Variants in PARD3B observed in about 807,000 individuals in gnomAD.
PARD3B encodes the protein partitioning defective 3 homolog B.
Under a neutral mutation model 130.2 loss-of-function variants are expected in PARD3B, and 103 were observed. The observed-to-expected ratio is 0.79, with a 90% confidence interval of 0.67 to 0.93. PARD3B has a LOEUF of 0.93. Among genes scored for constraint, PARD3B ranks in the 40% least tolerant of loss-of-function variants. The pLI is 0.00. For missense variants in PARD3B, 1,609 were observed against 1,499.2 expected (o/e 1.07, Z -1.21); for synonymous variants, 583 against 553.2 (o/e 1.05, Z -0.76).
chr2:205,009,670 C>CA (rs11305876), intron 3 of PARD3B, among the ~76,000 whole-genome samples: 142 of 128,466 alleles, frequency 1.1e-3, no homozygotes, highest in Admixed American at 1.5e-3. Flanking sequence ...GACTCCGTCT[C>CA]AAAAAAAAAA....
intron 18 of PARD3B, among the ~76,000 whole-genome samples, chr2:205,371,660 G>A (rs1307751775): frequency 2.6e-5 from 4 of 152,104 alleles, no homozygotes; most frequent in Non-Finnish European, 4.4e-5. Flanking sequence ...CATCTCAAAA[G>A]CTTAAACTTC....
chr2:205,574,855 T>A (rs1387119444), intron 22 of PARD3B, among the ~76,000 whole-genome samples: 90 of 121,514 alleles, frequency 7.4e-4, no homozygotes, highest in Non-Finnish European at 8.3e-4. Context: ...CACTGAGGAG[T>A]AAAAAAAAAA....
intron 2 of PARD3B, among the ~76,000 whole-genome samples, chr2:204,857,858 A>G (rs1444253477): frequency 6.6e-6 from 1 of 152,178 alleles, no homozygotes; most frequent in Non-Finnish European, 1.5e-5. Context: ...AAATGTCAAG[A>G]TGACATAATT....
rs1691140079 is a variant in PARD3B, at chr2:204,965,327, T to C, written c.394+4T>C. Reference sequence around the variant, plus strand: ...ACCCCTTCTGCTCTAAAACTAGGTATGTGTAATGTTTATGATATTCTTTTC... The same window carrying C: ...ACCCCTTCTGCTCTAAAACTAGGTACGTGTAATGTTTATGATATTCTTTTC... On this transcript the variant is annotated splice_donor_region_variant and intron_variant, in intron 3 of 22. Coordinates refer to ENST00000406610, the MANE Select transcript of PARD3B (RefSeq NM_001302769.2). 3 of 1,612,962 alleles carry C rather than the reference T, an allele frequency of 1.9e-6. No individual in the cohort carries two copies. In the African/African-American group the frequency reaches 4.0e-5, roughly 22 times the overall value.
In PARD3B at chr2:205,125,864, C is replaced by A; in HGVS notation, c.1434+127C>A. ...TTCATAACCAAAATTGAATCACACTCAGGGTATTTTACCCCATTTGGGGTA... is the reference window on the plus strand; with the variant it reads ...TTCATAACCAAAATTGAATCACACTAAGGGTATTTTACCCCATTTGGGGTA... On this transcript the variant is annotated intron_variant, in intron 10 of 22. Coordinates refer to ENST00000406610, the MANE Select transcript of PARD3B (RefSeq NM_001302769.2). The surrounding 1 kb of genome is among the most constrained non-coding windows in gnomAD (Gnocchi z 4.0). The A allele has an allele frequency of 7.6e-7, 1 of 1,319,506 alleles. No individual in the cohort carries two copies. The highest frequency in any genetic ancestry group is 1.0e-6 in the Non-Finnish European group (1 of 961,454). 81.7% of individuals were successfully genotyped at this position (1,319,506 alleles called of 1,614,324 possible). A position where few individuals can be genotyped will look rare whatever the true frequency, so the allele number is the denominator to read the frequency against.
chr2:204,671,046 C>G (rs1355339607), intron 1 of PARD3B, among the ~76,000 whole-genome samples: 1 of 152,056 alleles, frequency 6.6e-6, no homozygotes, highest in East Asian at 1.9e-4. Context: ...ATTGCTGTCA[C>G]CGTTTATCTG....
intron 3 of PARD3B, among the ~76,000 whole-genome samples, chr2:205,010,474 C>G (rs1695625902): frequency 1.3e-5 from 2 of 152,116 alleles, no homozygotes; most frequent in Admixed American, 6.5e-5. Flanking sequence ...CTGGTTTAGT[C>G]CCTCATTTTC....
At chr2:204,853,539 G>T (rs1418803746) in intron 2 of PARD3B, among the ~76,000 whole-genome samples, 2 of 152,132 alleles carry the variant, frequency 1.3e-5, no homozygotes, top group African/African-American at 4.8e-5. Context: ...AAGAAAGCTG[G>T]CAATGGAAGT....
intron 3 of PARD3B, among the ~76,000 whole-genome samples, chr2:205,031,201 T>A (rs1253924110): frequency 6.6e-6 from 1 of 152,176 alleles, no homozygotes; most frequent in African/African-American, 2.4e-5. Flanking sequence ...GAATTCAACC[T>A]ATTTCATTTT....
At chr2:205,499,343 T>C (rs1197891969) in intron 20 of PARD3B, among the ~76,000 whole-genome samples, 1 of 151,726 alleles carries the variant, frequency 6.6e-6, no homozygotes, top group Non-Finnish European at 1.5e-5. Context: ...TTTCTTACTG[T>C]TTTGTTTTGT....
chr2:205,380,548 G>GTATATATTATATATTATAT (rs1559033736), intron 18 of PARD3B, among the ~76,000 whole-genome samples: 1 of 3,622 alleles, frequency 2.8e-4, no homozygotes, highest in Non-Finnish European at 6.8e-4. Context: ...AATATATAAA[G>GTATATATTATATATTATAT]AATATATATT....
intron 22 of PARD3B, among the ~76,000 whole-genome samples, chr2:205,581,418 AATATATAAATATATATAAAT>A (rs1229727390): frequency 3.5e-5 from 3 of 86,434 alleles, no homozygotes; most frequent in African/African-American, 7.1e-5. Flanking sequence ...AGTATATATA[AATATATAAATATATATAAAT>A]ATATATAAAT....
chr2:204,693,633 C>T (rs2037454462), intron 2 of PARD3B, among the ~76,000 whole-genome samples: 1 of 151,922 alleles, frequency 6.6e-6, no homozygotes. Flanking sequence ...CATATTGTTC[C>T]TTTTAGTGTA....
At chr2:205,201,942 C>T (rs548806680) in intron 15 of PARD3B, among the ~76,000 whole-genome samples, 1 of 152,114 alleles carries the variant, frequency 6.6e-6, no homozygotes, top group South Asian at 2.1e-4. Context: ...GTACATATTA[C>T]ACAGAATATA....
chr2:204,594,321 T>G (rs2033197605), intron 1 of PARD3B, among the ~76,000 whole-genome samples: 1 of 152,196 alleles, frequency 6.6e-6, no homozygotes, highest in South Asian at 2.1e-4. Flanking sequence ...GCAATGCCTA[T>G]TCCTTTTCCA....
At chr2:204,982,374 A>C (rs540563527) in intron 3 of PARD3B, among the ~76,000 whole-genome samples, 1 of 152,178 alleles carries the variant, frequency 6.6e-6, no homozygotes, top group East Asian at 1.9e-4. Context: ...CAGACGACCA[A>C]GTTCTGTGGA....
chr2:205,286,236 TTTGCCTCAA>T (rs1404384015), intron 16 of PARD3B, among the ~76,000 whole-genome samples: 1 of 152,168 alleles, frequency 6.6e-6, no homozygotes, highest in Non-Finnish European at 1.5e-5. Flanking sequence ...TTACTTTATC[TTTGCCTCAA>T]TTTTCTCAAC....
At chr2:205,238,586 C>T (rs1308538697) in intron 15 of PARD3B, among the ~76,000 whole-genome samples, 1 of 151,864 alleles carries the variant, frequency 6.6e-6, no homozygotes, top group African/African-American at 2.4e-5. Context: ...AATCCCAGCA[C>T]TTTGGGAGGC....
intron 2 of PARD3B, among the ~76,000 whole-genome samples, chr2:204,734,020 C>T (rs181945638): frequency 8.0e-4 from 122 of 152,164 alleles, no homozygotes; most frequent in South Asian, 3.7e-3. Context: ...ATTTGCAAAG[C>T]GTATGCTTAA....
Sources: gnomAD v4.1 joint callset for allele counts (sites outside exome capture counted in the v4.1 genomes callset) on GRCh38, gnomAD v4.1.1 for gene constraint, Gnocchi (gnomAD v3.1) non-coding constraint, MANE v1.5 for transcripts, NCBI Gene and HGNC (gene_info 2026-07-23, HGNC 2026-07-21) for gene names.